Variants in F13A1 observed in about 807,000 individuals in gnomAD.
The protein encoded by F13A1 is coagulation factor XIII A chain.
Under a neutral mutation model 80.1 loss-of-function variants are expected in F13A1, and 47 were observed. The ratio of observed to expected loss-of-function variants is 0.59; its 90% CI spans 0.46 to 0.75. The LOEUF (loss-of-function observed/expected upper bound fraction) is 0.75. F13A1 is among the 30% of genes least tolerant of loss of function. F13A1 has a pLI of 0.00. For synonymous variants in F13A1, 349 were observed against 344.9 expected (o/e 1.01, Z -0.13); for missense variants, 817 against 930.4 (o/e 0.88, Z 1.59).
chr6:6,157,086 C>T (rs546274089), intron 13 of F13A1, among the ~76,000 whole-genome samples: 78 of 152,174 alleles, frequency 5.1e-4, no homozygotes, highest in Admixed American at 2.0e-4. Flanking sequence ...GGGCCATAGC[C>T]GTTGCTCAGC....
intron 8 of F13A1, among the ~76,000 whole-genome samples, 167 bp downstream of exon 8, chr6:6,221,866 A>C (rs1011807402): frequency 6.6e-6 from 1 of 152,214 alleles, no homozygotes; most frequent in Non-Finnish European, 1.5e-5. Context: ...CTTCAGTAAC[A>C]TTTCTAATCA....
At chr6:6,316,126 T>C (rs1205696016) in intron 2 of F13A1, among the ~76,000 whole-genome samples, 6 of 73,486 alleles carry the variant, frequency 8.2e-5, no homozygotes, top group African/African-American at 3.5e-4. Context: ...TATATATATA[T>C]ATATATATAT....
chr6:6,238,863 T>A (rs1465388472), intron 6 of F13A1, among the ~76,000 whole-genome samples: 2 of 152,084 alleles, frequency 1.3e-5, no homozygotes, highest in Admixed American at 1.3e-4. Flanking sequence ...ACATCAAGAA[T>A]AGGTGAAGCT....
At chr6:6,242,002 G>A (rs1757489562) in intron 6 of F13A1, among the ~76,000 whole-genome samples, 1 of 152,098 alleles carries the variant, frequency 6.6e-6, no homozygotes, top group Admixed American at 6.6e-5. Context: ...GGAGCTGCTT[G>A]GCAAGATATA....
chr6:6,220,695 T>A (rs1757180358), intron 8 of F13A1, among the ~76,000 whole-genome samples: 2 of 152,314 alleles, frequency 1.3e-5, no homozygotes, highest in South Asian at 4.1e-4. Flanking sequence ...TGTTTTGTCA[T>A]CCCATATACA....
rs768188508 is a variant in F13A1 at position 6,224,828 on chromosome 6, A to G, written c.831T>C (p.Val277=). The change falls in exon 7 of 15, where the codon GTT becomes GTC. Residue 277 remains valine (V), a synonymous_variant. Coordinates refer to ENST00000264870, the MANE Select transcript of F13A1 (RefSeq NM_000129.4). The part of the protein sequence containing the change: ...VNAKDDEGVL[V]GSWDNIYAYG... The stretch of plus-strand genomic sequence containing the variant: ...AGGCATAGATATTGTCCCAGGATCC[A>G]ACGAGGACACCTTCGTCATCTTTGG... The G allele has an allele frequency of 1.2e-6, 2 of 1,614,128 alleles. No homozygotes were observed. The highest frequency in any genetic ancestry group is 2.2e-5 in the East Asian group (1 of 44,882).
intron 3 of F13A1, among the ~76,000 whole-genome samples, chr6:6,274,955 G>A (rs1757968015): frequency 1.3e-5 from 2 of 152,180 alleles, no homozygotes; most frequent in African/African-American, 4.8e-5. Flanking sequence ...CCCAGGGAGG[G>A]TAAAAAGCAA....
At chr6:6,249,818 C>T (rs558612425) in intron 5 of F13A1, among the ~76,000 whole-genome samples, 2 of 152,190 alleles carry the variant, frequency 1.3e-5, no homozygotes, top group South Asian at 2.1e-4. Flanking sequence ...GGCAGGAATC[C>T]AAGAACAGGG....
chr6:6,206,664 C>G, intron 8 of F13A1: 1 of 410,118 alleles, frequency 2.4e-6, no homozygotes, highest in Non-Finnish European at 5.1e-6. Context: ...GCAATGCCCC[C>G]TTCTTGTTTT....
chr6:6,310,212 G>A (rs961881792), intron 2 of F13A1, among the ~76,000 whole-genome samples: 3 of 152,172 alleles, frequency 2.0e-5, no homozygotes, highest in Admixed American at 6.5e-5. Context: ...CCTAACCAAA[G>A]CTGATCAGGA....
At chr6:6,148,454 G>A (rs1290076810) in intron 14 of F13A1, among the ~76,000 whole-genome samples, 1 of 152,200 alleles carries the variant, frequency 6.6e-6, no homozygotes, top group Admixed American at 6.5e-5. Flanking sequence ...GGGTGAATGA[G>A]TGGGGGTGGT....
At position 6,214,355 on chromosome 6, in the gene F13A1, A is replaced by G. The variant is rs578050256; in HGVS notation, c.1112+7678T>C. Among the ~76,000 whole-genome samples the G allele has an allele frequency of 2.0e-5, 3 of 151,330 alleles. No individual in the cohort carries two copies. The East Asian group carries it at 5.8e-4, about 29-fold the overall frequency. On this transcript the variant is annotated intron_variant, in intron 8 of 14. Coordinates refer to ENST00000264870, the MANE Select transcript of F13A1 (RefSeq NM_000129.4). ...TCTCAGACCACAGTGCAATCAAACT[A>G]GAACTCAGGATTAAGAATCTCACTC...
chr6:6,160,377 C>G (rs963937727), intron 13 of F13A1, among the ~76,000 whole-genome samples: 11 of 151,910 alleles, frequency 7.2e-5, no homozygotes, highest in Non-Finnish European at 1.6e-4. Flanking sequence ...TGCTCTGTCA[C>G]CCAGGCTGGA....
At chr6:6,269,902 C>T (rs1378618445) in intron 3 of F13A1, among the ~76,000 whole-genome samples, 3 of 151,908 alleles carry the variant, frequency 2.0e-5, no homozygotes, top group East Asian at 1.9e-4. Context: ...TTAGTAGAGA[C>T]GGGGTTTCAC....
chr6:6,152,997 C>T (rs1419317871), intron 13 of F13A1, among the ~76,000 whole-genome samples: 1 of 152,170 alleles, frequency 6.6e-6, no homozygotes, highest in Non-Finnish European at 1.5e-5. Context: ...GGCAAAGGCC[C>T]AATGCATTAC....
intron 8 of F13A1, among the ~76,000 whole-genome samples, chr6:6,209,696 A>C (rs1458921901): frequency 6.6e-6 from 1 of 152,252 alleles, no homozygotes; most frequent in African/African-American, 2.4e-5. Flanking sequence ...TACATGCTAC[A>C]ACACGGACGA....
rs567557875 is a variant in F13A1 at position 6,306,450 on chromosome 6, C to T, written c.131-911G>A. On this transcript the variant is annotated intron_variant, in intron 2 of 14. Transcript: ENST00000264870. ...CTTCTTACAGGAATGTGACAGGAGA[C>T]GGCATGAGATGACACGTATGCAAGC... Among the ~76,000 whole-genome samples, 12 of 152,304 alleles carry T rather than the reference C, an allele frequency of 7.9e-5. No individual in the cohort carries two copies. In the South Asian group the frequency reaches 1.2e-3, roughly 16 times the overall value.
intron 11 of F13A1, among the ~76,000 whole-genome samples, chr6:6,176,630 G>A (rs954818169): frequency 6.6e-6 from 1 of 152,192 alleles, no homozygotes; most frequent in South Asian, 2.1e-4. Flanking sequence ...ATCAGCTAGA[G>A]CACTCGGAGG....
intron 13 of F13A1, among the ~76,000 whole-genome samples, chr6:6,166,680 G>A (rs996672881): frequency 2.0e-5 from 3 of 152,134 alleles, no homozygotes; most frequent in African/African-American, 7.2e-5. Context: ...TACAGCTGTG[G>A]GCCTGAGAAG....
Sources: allele counts gnomAD v4.1 joint callset (sites outside exome capture counted in the v4.1 genomes callset), GRCh38; gene constraint gnomAD v4.1.1; transcripts MANE v1.5; gene names NCBI Gene and HGNC (gene_info 2026-07-23, HGNC 2026-07-21).